NDUFAF6: variants seen among roughly 807,000 people sequenced by gnomAD.
NDUFAF6 encodes NADH:ubiquinone oxidoreductase complex assembly factor 6.
In NDUFAF6, 45 loss-of-function variants were observed where a neutral mutation model predicts 40.8. The observed-to-expected ratio is 1.10, with a 90% confidence interval of 0.87 to 1.42. NDUFAF6 has a LOEUF of 1.42. Ranked by LOEUF, NDUFAF6 falls within the 40% of genes most tolerant of loss-of-function variation. The pLI is 0.00. For missense variants in NDUFAF6, 435 were observed against 418.5 expected (o/e 1.04, Z -0.34); for synonymous variants, 185 against 155.9 (o/e 1.19, Z -1.39).
Position 95,058,464 on chromosome 8 carries a change from T to C in NDUFAF6, c.*527T>C. On this transcript the variant is annotated 3_prime_UTR_variant, in exon 9 of 9. Transcript: ENST00000396124. ...TATCCTTAACGTTTAATTTTTACAATCTTGTGTAAAAATTTATCCATGATA... is the reference window on the plus strand; with the variant it reads ...TATCCTTAACGTTTAATTTTTACAACCTTGTGTAAAAATTTATCCATGATA... 8 of 1,230,144 alleles carry C rather than the reference T, an allele frequency of 6.5e-6. No individual in the cohort carries two copies. The highest frequency in any genetic ancestry group is 8.1e-6 in the Non-Finnish European group (8 of 987,296). The allele number at this position is 1,230,144 out of a possible 1,614,324, so 76.2% of individuals were successfully genotyped here.
intron 1 of NDUFAF6, among the ~76,000 whole-genome samples, chr8:94,923,346 T>C (rs1221629784): frequency 6.6e-6 from 1 of 152,178 alleles, no homozygotes; most frequent in East Asian, 1.9e-4. Context: ...CACTGTCCAG[T>C]ATGGTAGCTG....
At chr8:94,986,924 A>G (rs554993190) in intron 2 of NDUFAF6, among the ~76,000 whole-genome samples, 3 of 152,350 alleles carry the variant, frequency 2.0e-5, no homozygotes, top group Middle Eastern at 3.4e-3. Context: ...TATGTGGGCT[A>G]TGCCTATCAA....
chr8:94,914,273 T>TC (rs1360572545), intron 1 of NDUFAF6, among the ~76,000 whole-genome samples: 1 of 152,118 alleles, frequency 6.6e-6, no homozygotes, highest in African/African-American at 2.4e-5. Context: ...TTTGAAGTCT[T>TC]CATCTGTAGA....
intron 1 of NDUFAF6, among the ~76,000 whole-genome samples, chr8:94,943,989 A>G (rs776751699): frequency 2.0e-5 from 3 of 152,246 alleles, no homozygotes; most frequent in Non-Finnish European, 4.4e-5. Flanking sequence ...ATATTCCAAA[A>G]TAAGTTATCA....
chr8:95,000,632 C>CAAA (rs567449511), intron 2 of NDUFAF6, among the ~76,000 whole-genome samples: 1 of 114,310 alleles, frequency 8.7e-6, no homozygotes, highest in Non-Finnish European at 1.9e-5. Flanking sequence ...ACATAGTAAG[C>CAAA]AAAAAAAAAA....
chr8:94,948,355 G>A (rs1374756891), intron 2 of NDUFAF6, among the ~76,000 whole-genome samples: 2 of 152,136 alleles, frequency 1.3e-5, no homozygotes, highest in African/African-American at 2.4e-5. Flanking sequence ...GAATCAACTG[G>A]GGCGATAAAG....
chr8:94,994,758 A>G (rs1391737787), intron 2 of NDUFAF6, among the ~76,000 whole-genome samples: 6 of 152,128 alleles, frequency 3.9e-5, no homozygotes, highest in Admixed American at 3.9e-4. Context: ...ACTTGAGCTC[A>G]GGAAATTGAA....
intron 1 of NDUFAF6, among the ~76,000 whole-genome samples, chr8:94,959,936 C>T (rs1325675460): frequency 6.6e-6 from 1 of 152,180 alleles, no homozygotes; most frequent in African/African-American, 2.4e-5. Flanking sequence ...TATTCTCTGT[C>T]CCCAGCACCA....
intron 2 of NDUFAF6, among the ~76,000 whole-genome samples, chr8:94,991,854 CA>C (rs1826210437): frequency 7.2e-6 from 1 of 139,560 alleles, no homozygotes; most frequent in Non-Finnish European, 1.5e-5. Context: ...GGCTGTAGCA[CA>C]GTTTATTTAA....
At chr8:95,059,750 G>A (rs928598753), downstream of NDUFAF6, among the ~76,000 whole-genome samples, 4 of 152,126 alleles carry the variant, frequency 2.6e-5, no homozygotes, top group African/African-American at 7.2e-5. Context: ...TCGGGAGGCC[G>A]AGGCAGGAGA....
chr8:94,998,571 T>A (rs1826568146), intron 2 of NDUFAF6, among the ~76,000 whole-genome samples: 1 of 152,202 alleles, frequency 6.6e-6, no homozygotes, highest in African/African-American at 2.4e-5. Context: ...TATTGAGTGC[T>A]ATAGACATGG....
chr8:94,972,305 G>A (rs1051797732), intron 1 of NDUFAF6, among the ~76,000 whole-genome samples: 2 of 152,012 alleles, frequency 1.3e-5, no homozygotes, highest in Non-Finnish European at 2.9e-5. Flanking sequence ...GCAGTGGCTC[G>A]ATCTTGGCTC....
At chr8:94,929,355 G>T (rs925905859) in intron 1 of NDUFAF6, 6 of 151,290 alleles carry the variant, frequency 4.0e-5, no homozygotes, top group Admixed American at 1.3e-4. Context: ...TTTGCCTGAA[G>T]TTAAAACAAA....
chr8:95,102,737 C>G (rs1158446845), intron 2 of NDUFAF6, among the ~76,000 whole-genome samples: 2 of 152,168 alleles, frequency 1.3e-5, no homozygotes, highest in African/African-American at 2.4e-5. Flanking sequence ...GAGCTGGACA[C>G]TGGAGAAGCA....
chr8:95,017,418 T>C (rs1418442411), intron 2 of NDUFAF6, among the ~76,000 whole-genome samples: 4 of 152,210 alleles, frequency 2.6e-5, no homozygotes, highest in Non-Finnish European at 4.4e-5. Flanking sequence ...TCTTTGATTC[T>C]ATATGAACCC....
At chr8:94,999,344 G>C (rs574053359) in intron 2 of NDUFAF6, among the ~76,000 whole-genome samples, 4 of 152,004 alleles carry the variant, frequency 2.6e-5, no homozygotes, top group Non-Finnish European at 5.9e-5. Context: ...GGATCGTCTC[G>C]ATCTCTTGAC....
intron 2 of NDUFAF6, among the ~76,000 whole-genome samples, chr8:95,083,555 T>C (rs1160535442): frequency 6.6e-6 from 1 of 152,194 alleles, no homozygotes; most frequent in Non-Finnish European, 1.5e-5. Flanking sequence ...CTTTGAACCC[T>C]TTCTCAGATA....
At chr8:95,098,817 C>T (rs1258088903), upstream of NDUFAF6, among the ~76,000 whole-genome samples, 5 of 147,678 alleles carry the variant, frequency 3.4e-5, no homozygotes, top group Admixed American at 3.4e-4. Flanking sequence ...AGCTACCCGG[C>T]AGGCTGAGGC....
At chr8:95,048,900 C>G (rs182071886) in intron 7 of NDUFAF6, among the ~76,000 whole-genome samples, 33 of 152,296 alleles carry the variant, frequency 2.2e-4, no homozygotes, top group African/African-American at 7.9e-4. Flanking sequence ...GCTGCACCCT[C>G]AGCCACCCCC....
Sources: gnomAD v4.1 joint callset for allele counts (sites outside exome capture counted in the v4.1 genomes callset) on GRCh38, gnomAD v4.1.1 for gene constraint, MANE v1.5 for transcripts, NCBI Gene and HGNC (gene_info 2026-07-23, HGNC 2026-07-21) for gene names.